UTRN: variants seen among roughly 807,000 people sequenced by gnomAD.
UTRN encodes utrophin.
UTRN carries 283 observed loss-of-function variants against 463.9 expected under a neutral mutation model. The ratio of observed to expected loss-of-function variants is 0.61; its 90% CI spans 0.55 to 0.67. The LOEUF (loss-of-function observed/expected upper bound fraction) is 0.67. Among genes scored for constraint, UTRN ranks in the 30% least tolerant of loss-of-function variants. The pLI is 0.00. For missense variants in UTRN, 3,922 were observed against 4,084.3 expected, an observed-to-expected ratio of 0.96 and a Z score of 1.08; for synonymous variants, 1,442 against 1,431.5, an observed-to-expected ratio of 1.01 and a Z score of -0.17.
intron 59 of UTRN, among the ~76,000 whole-genome samples, chr6:144,772,918 A>C (rs1586501325): frequency 6.6e-6 from 1 of 150,924 alleles, no homozygotes. Flanking sequence ...TCCCTCTCCC[A>C]TTTCAATAAA....
rs749509293 is a variant in UTRN at position 144,485,529 on chromosome 6, C to T, written c.3822+10C>T. On this transcript the variant is annotated intron_variant, in intron 28 of 74. Transcript: ENST00000367545. ...CAACGAAGCCCTGGAGGTTGGAACC[C>T]GTGATCTCCACGGCATTTCTCTTTG... 21 of 1,613,880 alleles carry T rather than the reference C, an allele frequency of 1.3e-5. No individual in the cohort carries two copies. The highest frequency in any genetic ancestry group is 1.6e-4 in the Middle Eastern group (1 of 6,084).
chr6:144,444,784 T>C (rs1038967326), intron 14 of UTRN, among the ~76,000 whole-genome samples: 1 of 152,252 alleles, frequency 6.6e-6, no homozygotes, highest in African/African-American at 2.4e-5. Context: ...TTTAATTCCC[T>C]AGATTTTTTC....
chr6:144,805,416 G>A (rs997295253), intron 65 of UTRN, among the ~76,000 whole-genome samples: 6 of 152,224 alleles, frequency 3.9e-5, no homozygotes, highest in Non-Finnish European at 7.3e-5. Flanking sequence ...GTTTGTCTGA[G>A]TTGACATTTG....
At chr6:144,678,661 C>T (rs1411794940) in intron 52 of UTRN, 83 bp downstream of exon 52, 17 of 1,264,874 alleles carry the variant, frequency 1.3e-5, no homozygotes, top group African/African-American at 7.5e-5. Flanking sequence ...AAAGAGAAAG[C>T]GCAGCCTTAC....
intron 51 of UTRN, among the ~76,000 whole-genome samples, chr6:144,635,514 C>CTTTTTTTTTTTTTTTT (rs1402815648): frequency 1.0e-4 from 8 of 80,030 alleles, no homozygotes; most frequent in African/African-American, 2.9e-4. Flanking sequence ...CTTTTTTTTT[C>CTTTTTTTTTTTTTTTT]TTTTTTTTTT....
intron 2 of UTRN, among the ~76,000 whole-genome samples, chr6:144,365,895 G>A (rs1321752628): frequency 2.6e-5 from 4 of 152,056 alleles, no homozygotes; most frequent in African/African-American, 7.2e-5. Context: ...GTGTCATCAC[G>A]CCTGGCTAAT....
intron 7 of UTRN, among the ~76,000 whole-genome samples, chr6:144,426,833 A>G: frequency 6.6e-6 from 1 of 152,242 alleles, no homozygotes; most frequent in African/African-American, 2.4e-5. Context: ...TGCATTCCCA[A>G]TTAAAAATAG....
chr6:144,849,451 T>C (rs1436379466), intron 74 of UTRN, among the ~76,000 whole-genome samples: 2 of 152,112 alleles, frequency 1.3e-5, no homozygotes, highest in African/African-American at 4.8e-5. Context: ...GGAGGCCTTC[T>C]CCTCCTACTC....
intron 51 of UTRN, among the ~76,000 whole-genome samples, chr6:144,620,889 A>G (rs1775291522): frequency 6.6e-6 from 1 of 152,172 alleles, no homozygotes; most frequent in Non-Finnish European, 1.5e-5. Flanking sequence ...GATATCTGGG[A>G]TTCCCATTCT....
rs376115630 is a variant in UTRN at position 144,839,288 on chromosome 6, G to T, written c.10177+4G>T. ...GGCCCACAGTTCCACCAGGCAGGTCGGTGTCCCCAGCACACAGCTCCTCTG... is the reference window on the plus strand; with the variant it reads ...GGCCCACAGTTCCACCAGGCAGGTCTGTGTCCCCAGCACACAGCTCCTCTG... On this transcript the variant is annotated splice_donor_region_variant and intron_variant, in intron 72 of 74. Coordinates refer to ENST00000367545, the MANE Select transcript of UTRN (RefSeq NM_007124.3). The T allele has an allele frequency of 2.1e-5, 34 of 1,610,722 alleles. 1 individual carries two copies. Among genetic ancestry groups the T allele is most frequent in the Middle Eastern group, 1.6e-4 (1 of 6,080 alleles).
chr6:144,520,486 G>A (rs985599049), intron 39 of UTRN, among the ~76,000 whole-genome samples: 9 of 152,056 alleles, frequency 5.9e-5, no homozygotes, highest in Admixed American at 3.3e-4. Flanking sequence ...TTAAACTTGC[G>A]GCATTAGGAT....
intron 53 of UTRN, among the ~76,000 whole-genome samples, chr6:144,704,728 C>T (rs972348764): frequency 7.9e-5 from 12 of 152,140 alleles, no homozygotes; most frequent in Non-Finnish European, 1.3e-4. Context: ...CTTTGGGAGG[C>T]TAAGGCAGGC....
intron 51 of UTRN, chr6:144,660,337 C>G: frequency 2.1e-6 from 1 of 468,922 alleles, no homozygotes; most frequent in Non-Finnish European, 4.4e-6. Flanking sequence ...TTTTTTTTCA[C>G]TATACATTTA....
At chr6:144,338,030 C>T (rs1012509819) in intron 2 of UTRN, among the ~76,000 whole-genome samples, 2 of 152,182 alleles carry the variant, frequency 1.3e-5, no homozygotes, top group Non-Finnish European at 2.9e-5. Context: ...GAAACAAAGG[C>T]ATGATTTCAG....
chr6:144,811,016 T>C (rs1253348072), intron 65 of UTRN, among the ~76,000 whole-genome samples: 1 of 152,210 alleles, frequency 6.6e-6, no homozygotes, highest in Non-Finnish European at 1.5e-5. Flanking sequence ...CAAAATTACA[T>C]GTTTTCCATG....
At chr6:144,453,184 G>A (rs916752374) in intron 18 of UTRN, among the ~76,000 whole-genome samples, 3 of 152,042 alleles carry the variant, frequency 2.0e-5, no homozygotes, top group Non-Finnish European at 1.5e-5. Context: ...GTGCAGTGGT[G>A]CAATCTCGGC....
intron 56 of UTRN, among the ~76,000 whole-genome samples, chr6:144,754,326 C>T (rs779142643): frequency 6.6e-6 from 1 of 152,132 alleles, no homozygotes; most frequent in Non-Finnish European, 1.5e-5. Flanking sequence ...CAGATTCTGG[C>T]ACTGTATGAC....
chr6:144,587,889 A>G (rs1479431974), intron 51 of UTRN, among the ~76,000 whole-genome samples: 1 of 152,024 alleles, frequency 6.6e-6, no homozygotes, highest in Non-Finnish European at 1.5e-5. Context: ...TAGAATTCCC[A>G]CTTGATCATA....
intron 53 of UTRN, 64 bp downstream of exon 53, chr6:144,700,307 C>A (rs181565154): frequency 1.4e-6 from 2 of 1,481,396 alleles, no homozygotes; most frequent in East Asian, 4.7e-5. Context: ...ATTTGAAATA[C>A]AATTATAGAT....
Sources: allele counts gnomAD v4.1 joint callset (sites outside exome capture counted in the v4.1 genomes callset), GRCh38; gene constraint gnomAD v4.1.1; transcripts MANE v1.5; gene names NCBI Gene and HGNC (gene_info 2026-07-23, HGNC 2026-07-21).